Variants in TBC1D10B observed in about 807,000 individuals in gnomAD.
TBC1D10B encodes Rab27A-GAPbeta.
A neutral mutation model predicts 78.4 loss-of-function variants in TBC1D10B; 25 were observed. That is an observed-to-expected ratio of 0.32 (90% CI 0.23 to 0.45). The LOEUF is 0.45. TBC1D10B is among the 20% of genes least tolerant of loss of function. The probability of loss-of-function intolerance (pLI) is 1.00; values close to 1 mark genes in which losing one functional copy is unlikely to be tolerated. For synonymous variants in TBC1D10B, 517 were observed against 478.0 expected (o/e 1.08, Z -1.06); for missense variants, 996 against 1,104.8 (o/e 0.90, Z 1.40).
At chr16:30,358,959 C>T (rs981071073) in intron 7 of TBC1D10B, 142 bp from the exon 8 acceptor site, 2 of 1,254,966 alleles carry the variant, frequency 1.6e-6, no homozygotes, top group Admixed American at 2.8e-5. Flanking sequence ...AGTACATGAG[C>T]TGCTATCAGT....
chr16:30,369,790 A>T lies in TBC1D10B; in HGVS notation c.394T>A (p.Ser132Thr). 1 of 1,432,460 alleles carries T rather than the reference A, an allele frequency of 7.0e-7. No homozygotes were observed. Among genetic ancestry groups the T allele is most frequent in the Non-Finnish European group, 9.2e-7 (1 of 1,090,990 alleles). 88.7% of individuals were successfully genotyped at this position (1,432,460 alleles called of 1,614,324 possible). ...TSRALAAGAD[S>T]PKTEEARPSP... ...GGTCGAGCCTCCTCTGTCTTCGGCG[A>T]GTCTGCCCCTGCGGCCAGAGCCCTC... is the stretch of plus-strand genomic sequence containing the variant. Residue 132 changes from serine to threonine, a missense_variant, in exon 1 of 9, where the codon TCG becomes ACG. Transcript: ENST00000409939. This position sits in a 1 kb window ranked among gnomAD's most constrained non-coding sequence, Gnocchi z 4.3.
rs1358580459 is a variant in TBC1D10B, at chr16:30,369,882, G to C, written c.302C>G (p.Pro101Arg). The C allele has an allele frequency of 1.2e-5, 17 of 1,395,752 alleles. No homozygotes were observed. The highest frequency in any genetic ancestry group is 3.2e-5 in the South Asian group (2 of 61,760). 86.5% of individuals were successfully genotyped at this position (1,395,752 alleles called of 1,614,324 possible). ...VLTLEASPEA[P>R]KPQLPSGPES... ...CGGGCCGGAGGGGAGCTGCGGCTTT[G>C]GGGCTTCGGGCGAGGCCTCCAGGGT... The change falls in exon 1 of 9, where the codon CCA becomes CGA. Residue 101 changes from proline (P) to arginine (R), a missense_variant. Around this residue, in one of 5 missense-constraint regions of TBC1D10B, gnomAD observed 448 missense variants for 442.1 expected, o/e 1.01. Coordinates refer to ENST00000409939, the MANE Select transcript of TBC1D10B (RefSeq NM_015527.4). The surrounding 1 kb of genome is among the most constrained non-coding windows in gnomAD (Gnocchi z 4.3).
Position 30,358,749 on chromosome 16 carries a change from G to A in TBC1D10B, c.1711C>T (p.Arg571Cys), listed in dbSNP as rs368958203. ...GTCTCATACATGCCTTGGCAGGAGC[G>A]CAGCTTCTCCACTGAGCCCAGCGTG... ...RHTLGSVEKL[R>C]SCQGMYETME... The change falls in exon 8 of 9, where the codon CGC (arginine) becomes TGC (cysteine). Residue 571 changes from arginine (R) to cysteine (C), a missense_variant. This residue lies in a region of TBC1D10B where 168 missense variants were observed against 238.7 expected (regional missense o/e 0.70). Transcript: ENST00000409939. 5.0e-6 allele frequency: 8 copies of A among 1,609,082 alleles called. No homozygotes were observed. Among genetic ancestry groups the A allele is most frequent in the African/African-American group, 2.7e-5 (2 of 74,860 alleles).
At position 30,359,583 on chromosome 16, in the gene TBC1D10B, C is replaced by A; in HGVS notation, c.1407G>T (p.Val469=). 1 of 1,562,634 alleles carries A rather than the reference C, an allele frequency of 6.4e-7. No individual in the cohort carries two copies. Among genetic ancestry groups the A allele is most frequent in the South Asian group, 1.2e-5 (1 of 84,776 alleles). ...MPAEQAFWCL[V]QICDKYLPGY... is the part of the protein sequence containing the mutation. ...CTGGGAGGTACTTGTCGCAGATCTG[C>A]ACCAGGCACCAAAAGGCTTGCTGAG... The change falls in exon 6 of 9, where the codon GTG becomes GTT. Residue 469 remains valine (V), a synonymous_variant. Transcript: ENST00000409939.
At position 30,358,387 on chromosome 16, in the gene TBC1D10B, G is replaced by A. The variant is rs1044025910; in HGVS notation, c.1984C>T (p.Leu662Phe). Residue 662 changes from leucine (L) to phenylalanine (F), a missense_variant, in exon 9 of 9, where the codon CTC becomes TTC. By Grantham distance (22) the Leu-to-Phe change is conservative. Coordinates refer to ENST00000409939, the MANE Select transcript of TBC1D10B (RefSeq NM_015527.4). ...GAGCCTCGGCTCTTGAGGCCAGGGA[G>A]GCTGAGGAGGCTGGAGGAGGGGCCC... is the stretch of plus-strand genomic sequence containing the variant. ...PLGPSSSLLS[L>F]PGLKSRGSRA... 3 of 1,566,096 alleles carry A rather than the reference G, an allele frequency of 1.9e-6. No individual in the cohort carries two copies. The highest frequency in any genetic ancestry group is 2.6e-6 in the Non-Finnish European group (3 of 1,156,078).
At position 30,359,155 on chromosome 16, in the gene TBC1D10B, G is replaced by T. The variant is rs761685994; in HGVS notation, c.1642+17C>A. Reference sequence around the variant, plus strand: ...AGAAACCCCAGCCCCTCATGGCCTGGAGGGCCACAGAAGTACCTTCACAGA... The same window carrying T: ...AGAAACCCCAGCCCCTCATGGCCTGTAGGGCCACAGAAGTACCTTCACAGA... On this transcript the variant is annotated intron_variant, in intron 7 of 8. Coordinates refer to ENST00000409939, the MANE Select transcript of TBC1D10B (RefSeq NM_015527.4). The T allele has an allele frequency of 1.9e-6, 3 of 1,600,474 alleles. No homozygotes were observed. The highest frequency in any genetic ancestry group is 1.7e-6 in the Non-Finnish European group (2 of 1,173,900).
Position 30,365,366 on chromosome 16 carries a change from C to T in TBC1D10B, c.1056+129G>A, listed in dbSNP as rs2049628525. 2 of 1,299,722 alleles carry T rather than the reference C, an allele frequency of 1.5e-6. No homozygotes were observed. The highest frequency in any genetic ancestry group is 2.2e-6 in the Non-Finnish European group (2 of 906,868). The allele number at this position is 1,299,722 out of a possible 1,614,324, so 80.5% of individuals were successfully genotyped here. A position where few individuals can be genotyped will look rare whatever the true frequency, so the allele number is the denominator to read the frequency against. On this transcript the variant is annotated intron_variant, in intron 2 of 8. Transcript: ENST00000409939. The surrounding 1 kb of genome is among the most constrained non-coding windows in gnomAD (Gnocchi z 5.0). Reference sequence around the variant, plus strand: ...TGGACTTCTATTTTTAAAGCCATTCCCCCGCCAGGGCCCATCTATCCCCAG... The same window carrying T: ...TGGACTTCTATTTTTAAAGCCATTCTCCCGCCAGGGCCCATCTATCCCCAG...
intron 1 of TBC1D10B, chr16:30,367,640 G>T (rs915618646): frequency 7.2e-5 from 11 of 152,214 alleles, no homozygotes; most frequent in Admixed American, 3.3e-4. Context: ...ACCCTTGGCA[G>T]GTGCACAGCC....
chr16:30,358,022 T>C lies in TBC1D10B; in HGVS notation c.2349A>G (p.Arg783=). ...GGGGGCCTGGGGGCCCATCTGCCTT[T>C]CGACGCAGCGAAAGCTTCCGGCCTT... is the stretch of plus-strand genomic sequence containing the variant. ...KAQGRKLSLR[R]KADGPPGPHD... Residue 783 remains arginine, a synonymous_variant, in exon 9 of 9, where the codon CGA becomes CGG. Transcript: ENST00000409939. The C allele has an allele frequency of 6.4e-7, 1 of 1,551,846 alleles. No homozygotes were observed. Among genetic ancestry groups the C allele is most frequent in the South Asian group, 1.2e-5 (1 of 84,066 alleles).
intron 1 of TBC1D10B, among the ~76,000 whole-genome samples, chr16:30,368,435 C>T (rs2151103230): frequency 6.6e-6 from 1 of 152,278 alleles, no homozygotes; most frequent in Non-Finnish European, 1.5e-5. Flanking sequence ...CACCTGGGGC[C>T]TGACACCTGG....
intron 1 of TBC1D10B, chr16:30,366,847 G>C (rs1243954947): frequency 2.0e-5 from 3 of 152,130 alleles, no homozygotes; most frequent in Non-Finnish European, 2.9e-5. Context: ...AGACAATAGG[G>C]AGCTTTGTCA....
In TBC1D10B at chr16:30,369,978, G is replaced by A. The variant is rs2049674089; in HGVS notation, c.206C>T (p.Thr69Ile). 2.4e-6 allele frequency: 3 copies of A among 1,250,376 alleles called. No homozygotes were observed. The highest frequency in any genetic ancestry group is 3.1e-5 in the East Asian group (1 of 31,804). The allele number at this position is 1,250,376 out of a possible 1,614,324, so 77.5% of individuals were successfully genotyped here. ...GGCTGGGGCCGGGGCCGGAGCAGAGGTCTCGGCCGACCCCGGGACCCAGGC... is the reference window on the plus strand; with the variant it reads ...GGCTGGGGCCGGGGCCGGAGCAGAGATCTCGGCCGACCCCGGGACCCAGGC... ...RPAWVPGSAE[T>I]SAPAPAPAPA... Residue 69 changes from threonine to isoleucine, a missense_variant, in exon 1 of 9, where the codon ACC (threonine) becomes ATC (isoleucine). Transcript: ENST00000409939. The surrounding 1 kb of genome is among the most constrained non-coding windows in gnomAD (Gnocchi z 4.3).
chr16:30,358,132 GCCGCTCCTTCTC>G lies in TBC1D10B; in HGVS notation c.2227_2238del (p.Glu743_Arg746del), dbSNP rs960147122. 1.7e-4 allele frequency: 267 copies of G among 1,551,368 alleles called. No homozygotes were observed. Among genetic ancestry groups the G allele is most frequent in the East Asian group, 1.1e-3 (44 of 40,912 alleles). ...TTCTCTCGCTCTTTCTCCTGCTTCTGCCGCTCCTTCTCCCGCTCCTTCTCCTGTTTCTGCCGC... is the reference window on the plus strand; with the variant it reads ...TTCTCTCGCTCTTTCTCCTGCTTCTGCCGCTCCTTCTCCTGTTTCTGCCGC... On this transcript the variant is annotated inframe_deletion, in exon 9 of 9. Coordinates refer to ENST00000409939, the MANE Select transcript of TBC1D10B (RefSeq NM_015527.4).
intron 7 of TBC1D10B, 138 bp from the exon 8 acceptor site, chr16:30,358,955 T>C (rs967105954): frequency 5.5e-6 from 7 of 1,268,122 alleles, no homozygotes; most frequent in Non-Finnish European, 7.5e-6. Context: ...TGAAAGTACA[T>C]GAGCTGCTAT....
Position 30,369,722 on chromosome 16 carries a change from G to A in TBC1D10B, c.462C>T (p.Thr154=), listed in dbSNP as rs1222214167. The stretch of plus-strand genomic sequence containing the variant: ...CAGGAGCCGTTCTGGAAGGGGTCCT[G>A]GTAGGGGTCCCGGTGGGGGTCCCTG... ...PGPGTPTGTP[T]RTPSRTAPGA... Residue 154 remains threonine, a synonymous_variant, in exon 1 of 9, where the codon ACC becomes ACT. Transcript: ENST00000409939. This position sits in a 1 kb window ranked among gnomAD's most constrained non-coding sequence, Gnocchi z 4.3. The A allele has an allele frequency of 1.3e-6, 2 of 1,481,680 alleles. No homozygotes were observed. Among genetic ancestry groups the A allele is most frequent in the African/African-American group, 1.4e-5 (1 of 70,374 alleles). 91.8% of individuals were successfully genotyped at this position (1,481,680 alleles called of 1,614,324 possible).
At chr16:30,359,465 G>A in intron 6 of TBC1D10B, 73 bp downstream of exon 6, 1 of 1,548,490 alleles carries the variant, frequency 6.5e-7, no homozygotes, top group Non-Finnish European at 8.7e-7. Flanking sequence ...CCAGGGTGGG[G>A]CAAGGCAAGG....
In TBC1D10B at chr16:30,357,590, G is replaced by A. The variant is rs1859610216; in HGVS notation, c.*354C>T. The A allele has an allele frequency of 6.7e-6, 2 of 297,174 alleles. No individual in the cohort carries two copies. The highest frequency in any genetic ancestry group is 9.2e-5 in the Admixed American group (2 of 21,672). The allele number at this position is 297,174 out of a possible 1,614,324, so 18.4% of individuals were successfully genotyped here. A position where few individuals can be genotyped will look rare whatever the true frequency, so the allele number is the denominator to read the frequency against. On this transcript the variant is annotated 3_prime_UTR_variant, in exon 9 of 9. Transcript: ENST00000409939. ...AAGCCAGCTCCACCTCATGGTAAGG[G>A]GAGCTATGGAGTGTAAGAATCTGAA...
chr16:30,365,902 C>A lies in TBC1D10B; in HGVS notation c.957-308G>T. On this transcript the variant is annotated intron_variant, in intron 1 of 8. Coordinates refer to ENST00000409939, the MANE Select transcript of TBC1D10B (RefSeq NM_015527.4). The surrounding 1 kb of genome is among the most constrained non-coding windows in gnomAD (Gnocchi z 5.0). Reference sequence around the variant, plus strand: ...GATCTGGATCCACGTCCTAGCTTTACCATTTATTCATTGTGTGACCTTGGG... The same window carrying A: ...GATCTGGATCCACGTCCTAGCTTTAACATTTATTCATTGTGTGACCTTGGG... The A allele has an allele frequency of 2.9e-6, 1 of 339,444 alleles. No individual in the cohort carries two copies. The highest frequency in any genetic ancestry group is 5.6e-6 in the Non-Finnish European group (1 of 177,416). 21.0% of individuals were successfully genotyped at this position (339,444 alleles called of 1,614,324 possible). A position where few individuals can be genotyped will look rare whatever the true frequency, so the allele number is the denominator to read the frequency against.
Position 30,357,872 on chromosome 16 carries a change from G to A in TBC1D10B, c.*72C>T. ...ACAGCCTGACAAGGTGCTAGGGGGT[G>A]GCACCTTGGGCCAGGCCTGTTCTTG... On this transcript the variant is annotated 3_prime_UTR_variant, in exon 9 of 9. Transcript: ENST00000409939. 1 of 1,479,188 alleles carries A rather than the reference G, an allele frequency of 6.8e-7. No homozygotes were observed. The highest frequency in any genetic ancestry group is 9.0e-7 in the Non-Finnish European group (1 of 1,115,252). 91.6% of individuals were successfully genotyped at this position (1,479,188 alleles called of 1,614,324 possible). A position where few individuals can be genotyped will look rare whatever the true frequency, so the allele number is the denominator to read the frequency against.
Sources: gnomAD v4.1 joint callset for allele counts (sites outside exome capture counted in the v4.1 genomes callset) on GRCh38, gnomAD v4.1.1 for gene constraint, gnomAD v4.1.1 regional missense constraint, Gnocchi (gnomAD v3.1) non-coding constraint, MANE v1.5 for transcripts, NCBI Gene and HGNC (gene_info 2026-07-23, HGNC 2026-07-21) for gene names.